The following ZBTB7C variants were observed in gnomAD, a reference collection of about 807,000 sequenced individuals.
The protein encoded by ZBTB7C is zinc finger and BTB domain containing 7C.
In ZBTB7C, 8 loss-of-function variants were observed where a neutral mutation model predicts 25.7. The ratio of observed to expected loss-of-function variants is 0.31; its 90% CI spans 0.18 to 0.56. The LOEUF (loss-of-function observed/expected upper bound fraction) is 0.56, where lower values mean the gene tolerates loss of function less well. Among genes scored for constraint, ZBTB7C ranks in the 20% least tolerant of loss-of-function variants. ZBTB7C has a pLI of 0.91. For synonymous variants in ZBTB7C, 394 were observed against 369.0 expected (o/e 1.07, Z -0.78); for missense variants, 824 against 855.2 (o/e 0.96, Z 0.46).
intron 2 of ZBTB7C, among the ~76,000 whole-genome samples, chr18:48,211,727 T>C (rs1031271533): frequency 1.3e-5 from 2 of 152,186 alleles, no homozygotes; most frequent in African/African-American, 4.8e-5. Flanking sequence ...GGAACTCTCA[T>C]TCATTGTTGG....
rs1348725839 is a variant in ZBTB7C, at chr18:48,400,972, T to C, written c.-304+8254A>G. On this transcript the variant is annotated intron_variant, in intron 1 of 4. Coordinates refer to ENST00000590800, the MANE Select transcript of ZBTB7C (RefSeq NM_001318841.2). Reference sequence around the variant, plus strand: ...AGACCAAACCATGCCCAGGTGCTAATTGAGTAAGGAGTGTGCCCCCAGCAG... The same window carrying C: ...AGACCAAACCATGCCCAGGTGCTAACTGAGTAAGGAGTGTGCCCCCAGCAG... Among the ~76,000 whole-genome samples, 10 of 152,290 alleles carry C rather than the reference T, an allele frequency of 6.6e-5. No homozygotes were observed. In the East Asian group the frequency reaches 1.7e-3, roughly 26 times the overall value.
At chr18:48,213,488 C>A (rs2042750067) in intron 2 of ZBTB7C, among the ~76,000 whole-genome samples, 1 of 152,190 alleles carries the variant, frequency 6.6e-6, no homozygotes, top group African/African-American at 2.4e-5. Context: ...CCTGTGCGTG[C>A]TAGAGATTAA....
At chr18:48,254,943 C>T (rs1243400974) in intron 2 of ZBTB7C, among the ~76,000 whole-genome samples, 2 of 152,178 alleles carry the variant, frequency 1.3e-5, no homozygotes, top group African/African-American at 4.8e-5. Context: ...ACTGGCCAGA[C>T]TTGAAAACCT....
chr18:48,370,313 C>T (rs2047357562), intron 1 of ZBTB7C, among the ~76,000 whole-genome samples: 1 of 152,200 alleles, frequency 6.6e-6, no homozygotes, highest in South Asian at 2.1e-4. Flanking sequence ...AAAAAAAATC[C>T]AATCTGAAAG....
At chr18:48,122,622 A>T (rs1316749739) in intron 3 of ZBTB7C, among the ~76,000 whole-genome samples, 1 of 152,166 alleles carries the variant, frequency 6.6e-6, no homozygotes, top group Non-Finnish European at 1.5e-5. Flanking sequence ...CTGACTTAAT[A>T]TGTTACAACA....
intron 1 of ZBTB7C, among the ~76,000 whole-genome samples, chr18:48,354,398 C>T (rs72919562): frequency 0.17 from 25,721 of 152,064 alleles, 2,441 homozygotes; most frequent in African/African-American, 0.26. Flanking sequence ...TCACAATAGT[C>T]TCCTGTTGGA....
chr18:48,209,348 T>C (rs1334386214), intron 2 of ZBTB7C, among the ~76,000 whole-genome samples: 4 of 152,198 alleles, frequency 2.6e-5, no homozygotes, highest in Admixed American at 6.5e-5. Context: ...AGTCCAGACA[T>C]TGGAGCAGAT....
chr18:48,297,434 G>C (rs549626053), intron 2 of ZBTB7C, among the ~76,000 whole-genome samples: 1 of 152,188 alleles, frequency 6.6e-6, no homozygotes, highest in South Asian at 2.1e-4. Context: ...CTGGAGAGAG[G>C]CTCTGTCATG....
chr18:48,371,153 A>C (rs1354722771), intron 1 of ZBTB7C, among the ~76,000 whole-genome samples: 1 of 152,118 alleles, frequency 6.6e-6, no homozygotes, highest in African/African-American at 2.4e-5. Context: ...AGGCGAGAGG[A>C]GGAAGCCTAC....
intron 2 of ZBTB7C, among the ~76,000 whole-genome samples, chr18:48,265,181 C>G (rs1598734900): frequency 2.6e-5 from 4 of 152,324 alleles, no homozygotes; most frequent in Admixed American, 2.6e-4. Flanking sequence ...TCCCTCTACT[C>G]TTGATGTCTC....
intron 2 of ZBTB7C, among the ~76,000 whole-genome samples, chr18:48,321,054 C>A (rs964148638): frequency 6.6e-6 from 1 of 152,260 alleles, no homozygotes; most frequent in Non-Finnish European, 1.5e-5. Flanking sequence ...TTGAAATCAC[C>A]TAGAGAAATT....
intron 3 of ZBTB7C, among the ~76,000 whole-genome samples, chr18:48,113,829 T>A (rs534385057): frequency 7.9e-5 from 12 of 152,262 alleles, no homozygotes; most frequent in African/African-American, 2.6e-4. Context: ...ATCGGCAGGG[T>A]GCACTCCAGG....
At chr18:48,225,776 C>G (rs534422395) in intron 2 of ZBTB7C, among the ~76,000 whole-genome samples, 151 of 152,202 alleles carry the variant, frequency 9.9e-4, no homozygotes, top group African/African-American at 3.4e-3. Flanking sequence ...CAGAGTCTCA[C>G]TCTGTCACCA....
intron 2 of ZBTB7C, among the ~76,000 whole-genome samples, chr18:48,327,222 A>G (rs891165792): frequency 1.3e-5 from 2 of 152,148 alleles, no homozygotes; most frequent in Admixed American, 1.3e-4. Flanking sequence ...GTTCCACTCG[A>G]GGCCTGCCCT....
intron 1 of ZBTB7C, among the ~76,000 whole-genome samples, chr18:48,391,278 T>C (rs930397809): frequency 2.6e-5 from 4 of 152,228 alleles, no homozygotes; most frequent in Non-Finnish European, 5.9e-5. Context: ...CTAGAAGATG[T>C]CTCTCAGTCT....
At chr18:48,264,909 C>G (rs2044268022) in intron 2 of ZBTB7C, among the ~76,000 whole-genome samples, 1 of 152,218 alleles carries the variant, frequency 6.6e-6, no homozygotes, top group Non-Finnish European at 1.5e-5. Flanking sequence ...GTCCCAAGTC[C>G]TTGGCTGCAG....
At chr18:48,071,271 G>T (rs1002675932) in intron 3 of ZBTB7C, among the ~76,000 whole-genome samples, 15 of 152,100 alleles carry the variant, frequency 9.9e-5, no homozygotes, top group Admixed American at 2.6e-4. Context: ...AGAAACGTCT[G>T]GTCATTTATA....
At chr18:48,063,337 C>G (rs1348047725) in intron 3 of ZBTB7C, among the ~76,000 whole-genome samples, 1 of 152,224 alleles carries the variant, frequency 6.6e-6, no homozygotes, top group Non-Finnish European at 1.5e-5. Context: ...AGGTCCTGTC[C>G]TGTCCCATTC....
At chr18:48,214,218 C>G (rs573476878) in intron 2 of ZBTB7C, among the ~76,000 whole-genome samples, 1 of 152,316 alleles carries the variant, frequency 6.6e-6, no homozygotes, top group Admixed American at 6.5e-5. Context: ...TGTTGGGCAA[C>G]TATCCCCACC....
Sources: allele counts gnomAD v4.1 joint callset (sites outside exome capture counted in the v4.1 genomes callset), GRCh38; gene constraint gnomAD v4.1.1; transcripts MANE v1.5; gene names NCBI Gene and HGNC (gene_info 2026-07-23, HGNC 2026-07-21).